Variants in P3H3 observed in about 807,000 individuals in gnomAD.
P3H3 encodes gene rich cluster, B.
P3H3 carries 64 observed loss-of-function variants against 78.1 expected under a neutral mutation model. That is an observed-to-expected ratio of 0.82 (90% CI 0.67 to 1.01). P3H3 has a LOEUF of 1.01. Among genes scored for constraint, P3H3 ranks in the 50% least tolerant of loss-of-function variants. P3H3 has a pLI of 0.00. For synonymous variants in P3H3, 425 were observed against 416.7 expected (o/e 1.02, Z -0.24); for missense variants, 975 against 982.2 (o/e 0.99, Z 0.10).
chr12:6,838,138 T>G, intron 13 of P3H3, 105 bp downstream of exon 13: 1 of 1,460,062 alleles, frequency 6.8e-7, no homozygotes, highest in Non-Finnish European at 9.3e-7. Flanking sequence ...GGCCAGGGCT[T>G]TTAACCCTTT....
At position 6,830,460 on chromosome 12, in the gene P3H3, C is replaced by T. The variant is rs1555121175; in HGVS notation, c.759C>T (p.Cys253=). 6.3e-7 allele frequency: 1 copy of T among 1,587,726 alleles called. No individual in the cohort carries two copies. Among genetic ancestry groups the T allele is most frequent in the Non-Finnish European group, 8.6e-7 (1 of 1,168,142 alleles). ...GGAGCCTGGCCCAGATGGAGAGCTG[C>T]CGTGCTGACTGTGAGGGGCCTGAGG... is the stretch of plus-strand genomic sequence containing the variant. ...LQGSLAQMES[C]RADCEGPEEQ... is the part of the protein sequence containing the mutation. Residue 253 remains cysteine (C), a synonymous_variant, in exon 3 of 15, where the codon TGC becomes TGT. Coordinates refer to ENST00000290510, the MANE Select transcript of P3H3 (RefSeq NM_014262.5).
intron 11 of P3H3, 59 bp from the exon 12 acceptor site, chr12:6,837,673 A>G: frequency 1.3e-6 from 2 of 1,585,406 alleles, no homozygotes; most frequent in African/African-American, 1.3e-5. Flanking sequence ...GCCTGAGCCC[A>G]CAGGGTGGCA....
chr12:6,834,201 G>A (rs868915937), intron 9 of P3H3, among the ~76,000 whole-genome samples, 152 bp downstream of exon 9: 1 of 152,190 alleles, frequency 6.6e-6, no homozygotes, highest in African/African-American at 2.4e-5. Context: ...GATAAGTTCC[G>A]TCTCGTCTTA....
Position 6,831,014 on chromosome 12 carries a change from C to T in P3H3, c.986-202C>T, listed in dbSNP as rs1555121342. Reference sequence around the variant, plus strand: ...CTTTATTTTCCCCCCTCTTGCTCTTCTTTGAACTCTCCAGCTAAGGTATGT... The same window carrying T: ...CTTTATTTTCCCCCCTCTTGCTCTTTTTTGAACTCTCCAGCTAAGGTATGT... On this transcript the variant is annotated intron_variant, in intron 4 of 14. Coordinates refer to ENST00000290510, the MANE Select transcript of P3H3 (RefSeq NM_014262.5). This position sits in a 1 kb window ranked among gnomAD's most constrained non-coding sequence, Gnocchi z 4.6. 5.9e-6 allele frequency: 5 copies of T among 843,628 alleles called. No homozygotes were observed. The highest frequency in any genetic ancestry group is 9.9e-6 in the Non-Finnish European group (5 of 505,682). The allele number at this position is 843,628 out of a possible 1,614,324, so 52.3% of individuals were successfully genotyped here.
intron 9 of P3H3, among the ~76,000 whole-genome samples, chr12:6,835,177 C>T (rs1337485875): frequency 6.6e-6 from 1 of 152,176 alleles, no homozygotes; most frequent in African/African-American, 2.4e-5. Flanking sequence ...TTTATTTTAA[C>T]ATCTCTGAGC....
At chr12:6,830,146 CCTT>C (rs1943433082) in intron 2 of P3H3, 135 bp downstream of exon 2, 1 of 1,214,816 alleles carries the variant, frequency 8.2e-7, no homozygotes. Context: ...GGCTGGGAGT[CCTT>C]CTCTAGGACT....
intron 2 of P3H3, 80 bp from the exon 3 acceptor site, chr12:6,830,273 G>T: frequency 7.2e-7 from 1 of 1,396,934 alleles, no homozygotes; most frequent in Non-Finnish European, 9.9e-7. Context: ...CCCCAAATGA[G>T]ACCAACACCC....
chr12:6,837,270 G>A (rs781646891), intron 10 of P3H3, 153 bp from the exon 11 acceptor site: 1 of 1,138,640 alleles, frequency 8.8e-7, no homozygotes, highest in African/African-American at 1.5e-5. Flanking sequence ...TTGTCATGGA[G>A]AGAGAAGGAG....
At chr12:6,838,863 C>T (rs1433277882) in intron 13 of P3H3, 137 bp from the exon 14 acceptor site, 3 of 653,900 alleles carry the variant, frequency 4.6e-6, no homozygotes, top group Admixed American at 3.7e-5. Context: ...AAGCTAGTCC[C>T]TGAATTAAGG....
At position 6,830,510 on chromosome 12, in the gene P3H3, AG is replaced by A. The variant is rs1943436851; in HGVS notation, c.811del (p.Asp271MetfsTer49). On this transcript the variant is annotated frameshift_variant, in exon 3 of 15. Coordinates refer to ENST00000290510, the MANE Select transcript of P3H3 (RefSeq NM_014262.5). LOFTEE classifies it high-confidence loss of function. ...GAGCAGCAGGGGGCTGAAGAAGAGG[AG>A]GATGGGGCTGCGAGCCAGGGGGGCC... is the stretch of plus-strand genomic sequence containing the variant. ...PEEQQGAEEE[E>X]DGAASQGGLY... 6.3e-7 allele frequency: 1 copy of A among 1,579,842 alleles called. No homozygotes were observed. Among genetic ancestry groups the A allele is most frequent in the South Asian group, 1.2e-5 (1 of 86,318 alleles).
At position 6,828,644 on chromosome 12, in the gene P3H3, G is replaced by C; in HGVS notation, c.204G>C (p.Ala68=). 3.3e-6 allele frequency: 4 copies of C among 1,216,432 alleles called. No individual in the cohort carries two copies. Among genetic ancestry groups the C allele is most frequent in the Non-Finnish European group, 4.1e-6 (4 of 978,732 alleles). The allele number at this position is 1,216,432 out of a possible 1,614,324, so 75.4% of individuals were successfully genotyped here. A position where few individuals can be genotyped will look rare whatever the true frequency, so the allele number is the denominator to read the frequency against. The change falls in exon 1 of 15, where the codon GCG becomes GCC. Residue 68 remains alanine, a synonymous_variant. Transcript: ENST00000290510. ...TGCGGGAGGCGCTGCGGAGCCAGGC[G>C]GCGCTGGGCCGGGTGCGGCTGGATT... is the stretch of plus-strand genomic sequence containing the variant. ...ALLREALRSQ[A]ALGRVRLDCG...
chr12:6,837,709 C>A (rs944966094), intron 11 of P3H3, 23 bp from the exon 12 acceptor site: 8 of 1,601,662 alleles, frequency 5.0e-6, no homozygotes, highest in Admixed American at 1.7e-5. Context: ...ACAGAGGTAC[C>A]CCCAGACCCC....
rs1359490853 is a variant in P3H3 at position 6,831,148 on chromosome 12, C to G, written c.986-68C>G. 1 of 1,600,994 alleles carries G rather than the reference C, an allele frequency of 6.2e-7. No homozygotes were observed. Among genetic ancestry groups the G allele is most frequent in the African/African-American group, 1.3e-5 (1 of 74,618 alleles). ...GAGACCACCTTCTCCAGCACTGCCTCTGCCCCAAGGATCAATGTGCTCTAA... is the reference window on the plus strand; with the variant it reads ...GAGACCACCTTCTCCAGCACTGCCTGTGCCCCAAGGATCAATGTGCTCTAA... On this transcript the variant is annotated intron_variant, in intron 4 of 14. Coordinates refer to ENST00000290510, the MANE Select transcript of P3H3 (RefSeq NM_014262.5). The surrounding 1 kb of genome is among the most constrained non-coding windows in gnomAD (Gnocchi z 4.6).
In P3H3 at chr12:6,828,609, G is replaced by T; in HGVS notation, c.169G>T (p.Val57Leu). 8.2e-7 allele frequency: 1 copy of T among 1,218,936 alleles called. No homozygotes were observed. 75.5% of individuals were successfully genotyped at this position (1,218,936 alleles called of 1,614,324 possible). The change falls in exon 1 of 15, where the codon GTG becomes TTG. Residue 57 changes from valine to leucine, a missense_variant. By Grantham distance (32) the Val-to-Leu change is conservative. Transcript: ENST00000290510. ...CGCGGCCGGGGCTTGGGCGCCGGCC[G>T]TGGCGCTGCTGCGGGAGGCGCTGCG... Reference protein sequence around the residue: ...AYAAGAWAPAVALLREALRSQ... With the variant: ...AYAAGAWAPALALLREALRSQ...
In P3H3 at chr12:6,828,688, C is replaced by T; in HGVS notation, c.248C>T (p.Ala83Val). The change falls in exon 1 of 15, where the codon GCC becomes GTC. Residue 83 changes from alanine to valine, a missense_variant. By Grantham distance (64) the Ala-to-Val change is moderately conservative (BLOSUM62 0). Coordinates refer to ENST00000290510, the MANE Select transcript of P3H3 (RefSeq NM_014262.5). ...VRLDCGASCA[A>V]DPGAALPAVL... Reference sequence around the variant, plus strand: ...CTGGATTGCGGGGCGAGCTGCGCGGCCGATCCGGGCGCCGCGCTCCCCGCC... The same window carrying T: ...CTGGATTGCGGGGCGAGCTGCGCGGTCGATCCGGGCGCCGCGCTCCCCGCC... 1 of 1,241,878 alleles carries T rather than the reference C, an allele frequency of 8.1e-7. No homozygotes were observed. The allele number at this position is 1,241,878 out of a possible 1,614,324, so 76.9% of individuals were successfully genotyped here.
At chr12:6,832,302 A>T (rs1943457722) in intron 6 of P3H3, among the ~76,000 whole-genome samples, 1 of 152,198 alleles carries the variant, frequency 6.6e-6, no homozygotes, top group Non-Finnish European at 1.5e-5. Context: ...GGCGGAGGTT[A>T]TCTATGGCTA....
intron 14 of P3H3, 35 bp downstream of exon 14, chr12:6,839,175 T>C: frequency 1.3e-6 from 2 of 1,580,648 alleles, no homozygotes; most frequent in Non-Finnish European, 8.6e-7. Context: ...GTGGTTCTCC[T>C]GGTGCGTGAA....
At chr12:6,836,250 C>A (rs1364567442) in intron 9 of P3H3, among the ~76,000 whole-genome samples, 62 of 85,526 alleles carry the variant, frequency 7.2e-4, no homozygotes, top group African/African-American at 8.9e-4. Context: ...AAAAAAAAAA[C>A]CCCAGGTTAG....
At chr12:6,834,193 T>C in intron 9 of P3H3, 144 bp downstream of exon 9, 1 of 1,264,752 alleles carries the variant, frequency 7.9e-7, no homozygotes, top group Non-Finnish European at 1.1e-6. Context: ...CAGCTGTGGA[T>C]AAGTTCCGTC....
Sources: allele counts gnomAD v4.1 joint callset (sites outside exome capture counted in the v4.1 genomes callset), GRCh38; gene constraint gnomAD v4.1.1; non-coding constraint Gnocchi (gnomAD v3.1); transcripts MANE v1.5; gene names NCBI Gene and HGNC (gene_info 2026-07-23, HGNC 2026-07-21).